TMEM254: variants seen among roughly 807,000 people sequenced by gnomAD.
The protein encoded by TMEM254 is transmembrane protein 254.
A neutral mutation model predicts 13.9 loss-of-function variants in TMEM254; 16 were observed. That is an observed-to-expected ratio of 1.15 (90% CI 0.78 to 1.75). TMEM254 has a LOEUF of 1.75. TMEM254 is among the 40% of genes most tolerant of loss of function. The probability of loss-of-function intolerance (pLI) is 0.00; values close to 1 mark genes in which losing one functional copy is unlikely to be tolerated. For synonymous variants in TMEM254, 61 were observed against 56.4 expected (o/e 1.08, Z -0.36); for missense variants, 155 against 149.0 (o/e 1.04, Z -0.21).
At chr10:80,079,523 G>A (rs1843857206) in intron 1 of TMEM254, 1 of 1,018,458 alleles carries the variant, frequency 9.8e-7, no homozygotes, top group African/African-American at 1.7e-5. Context: ...GGAAAACGGG[G>A]ATAAATCTAA....
At chr10:80,086,221 T>A in intron 3 of TMEM254, 1 of 1,464,036 alleles carries the variant, frequency 6.8e-7, no homozygotes, top group Non-Finnish European at 9.0e-7. Context: ...GACTTTTGTC[T>A]TTTAAATAGG....
intron 3 of TMEM254, among the ~76,000 whole-genome samples, chr10:80,087,563 G>T (rs1844376712): frequency 6.6e-6 from 1 of 152,042 alleles, no homozygotes; most frequent in South Asian, 2.1e-4. Context: ...TGAGGTAAGA[G>T]AATAGCTTGA....
chr10:80,080,696 T>G (rs1336222004), intron 1 of TMEM254, among the ~76,000 whole-genome samples: 4 of 152,170 alleles, frequency 2.6e-5, no homozygotes, highest in African/African-American at 2.4e-5. Flanking sequence ...CCCAGCACTT[T>G]GGGAGGCCGA....
intron 1 of TMEM254, 142 bp downstream of exon 1, chr10:80,078,928 G>A: frequency 6.6e-7 from 1 of 1,521,002 alleles, no homozygotes; most frequent in African/African-American, 1.4e-5. Flanking sequence ...CGGAGGGGAG[G>A]GGACCAGACT....
chr10:80,083,133 A>T, intron 3 of TMEM254, among the ~76,000 whole-genome samples: 1 of 128,800 alleles, frequency 7.8e-6, no homozygotes, highest in Non-Finnish European at 1.6e-5. Context: ...TTGAGAGGGA[A>T]TCTTGCTTTG....
intron 3 of TMEM254, among the ~76,000 whole-genome samples, chr10:80,088,753 GC>G (rs1325029409): frequency 7.9e-6 from 1 of 127,200 alleles, no homozygotes; most frequent in Non-Finnish European, 1.6e-5. Flanking sequence ...GGGCGACAGA[GC>G]AAGACTCCGT....
intron 3 of TMEM254, among the ~76,000 whole-genome samples, chr10:80,086,660 G>A (rs1387854115): frequency 6.6e-6 from 1 of 151,938 alleles, no homozygotes. Flanking sequence ...GGCCAATATG[G>A]TGAAACCCCG....
intron 2 of TMEM254, 33 bp downstream of exon 2, chr10:80,081,977 C>T: frequency 1.2e-6 from 2 of 1,602,478 alleles, no homozygotes; most frequent in Non-Finnish European, 8.5e-7. Flanking sequence ...ACTGTGGACA[C>T]TGGAGCTCTG....
intron 1 of TMEM254, chr10:80,079,469 A>T: frequency 9.6e-7 from 1 of 1,038,808 alleles, no homozygotes; most frequent in Non-Finnish European, 1.2e-6. Context: ...CCAAGTCAGA[A>T]TAGGGCTTCC....
chr10:80,083,968 C>T (rs1465056969), intron 3 of TMEM254, among the ~76,000 whole-genome samples: 7 of 152,014 alleles, frequency 4.6e-5, no homozygotes, highest in Non-Finnish European at 1.5e-5. Flanking sequence ...GCCTGCAGTC[C>T]CAGCTGCTCA....
intron 3 of TMEM254, among the ~76,000 whole-genome samples, chr10:80,088,088 C>T (rs552553139): frequency 6.6e-6 from 1 of 152,018 alleles, no homozygotes; most frequent in South Asian, 2.1e-4. Flanking sequence ...ATCTGGATGC[C>T]GTTATCCCAG....
intron 3 of TMEM254, among the ~76,000 whole-genome samples, chr10:80,084,890 A>G (rs1033218494): frequency 6.6e-6 from 1 of 152,008 alleles, no homozygotes; most frequent in African/African-American, 2.4e-5. Flanking sequence ...CAGTGGTGCA[A>G]TCTCAGCTCA....
chr10:80,081,675 A>G (rs1374537277), intron 1 of TMEM254, 166 bp from the exon 2 acceptor site: 5 of 1,431,222 alleles, frequency 3.5e-6, no homozygotes, highest in African/African-American at 1.4e-5. Flanking sequence ...CAAAAAAAAA[A>G]GAAAGAAAGA....
chr10:80,081,608 C>T (rs753855228), intron 1 of TMEM254: 13 of 1,352,304 alleles, frequency 9.6e-6, no homozygotes, highest in Non-Finnish European at 1.3e-5. Flanking sequence ...GTGGAGGCTG[C>T]AGTGAGTCAT....
chr10:80,089,068 C>G (rs1270117525), intron 3 of TMEM254, among the ~76,000 whole-genome samples: 7 of 152,022 alleles, frequency 4.6e-5, no homozygotes, highest in Non-Finnish European at 7.4e-5. Context: ...TTATACCCAG[C>G]AATCTTGCTA....
chr10:80,084,525 A>G (rs61859012), intron 3 of TMEM254, among the ~76,000 whole-genome samples: 16,378 of 152,134 alleles, frequency 0.11, 1,063 homozygotes, highest in South Asian at 0.21. Context: ...CAGCAAGCAG[A>G]CCAAACAGTG....
At chr10:80,081,678 A>T (rs1479311625) in intron 1 of TMEM254, 163 bp from the exon 2 acceptor site, 2 of 1,566,932 alleles carry the variant, frequency 1.3e-6, no homozygotes, top group Non-Finnish European at 1.7e-6. Flanking sequence ...AAAAAAAAGA[A>T]AGAAAGAAAA....
At chr10:80,081,079 A>AAAAT (rs148327670) in intron 1 of TMEM254, among the ~76,000 whole-genome samples, 15,816 of 151,446 alleles carry the variant, frequency 0.1, 1,009 homozygotes, top group South Asian at 0.2. Flanking sequence ...AACTCCATCT[A>AAAAT]AAATAAATAA....
In TMEM254 at chr10:80,090,990, G is replaced by C; in HGVS notation, c.*73G>C. ...TTTTTTGTGGGGTAGAGGAGGTGCA[G>C]TAATTTACTCAGTGATCTTTCTACT... On this transcript the variant is annotated 3_prime_UTR_variant, in exon 4 of 4. Coordinates refer to ENST00000372281, the MANE Select transcript of TMEM254 (RefSeq NM_025125.4). 2 of 1,553,656 alleles carry C rather than the reference G, an allele frequency of 1.3e-6. No individual in the cohort carries two copies. Among genetic ancestry groups the C allele is most frequent in the Non-Finnish European group, 1.7e-6 (2 of 1,149,204 alleles).
Sources: allele counts gnomAD v4.1 joint callset (sites outside exome capture counted in the v4.1 genomes callset), GRCh38; gene constraint gnomAD v4.1.1; transcripts MANE v1.5; gene names NCBI Gene and HGNC (gene_info 2026-07-23, HGNC 2026-07-21).